The following NEK7 variants were observed in gnomAD, a reference collection of about 807,000 sequenced individuals.
NEK7 encodes NIMA related kinase 7.
Under a neutral mutation model 44.6 loss-of-function variants are expected in NEK7, and 18 were observed. The ratio of observed to expected loss-of-function variants is 0.40; its 90% CI spans 0.28 to 0.60. The LOEUF (loss-of-function observed/expected upper bound fraction) is 0.60, where lower values mean the gene tolerates loss of function less well. NEK7 is among the 20% of genes least tolerant of loss of function. The probability of loss-of-function intolerance (pLI) is 0.38; values close to 1 mark genes in which losing one functional copy is unlikely to be tolerated. For synonymous variants in NEK7, 130 were observed against 121.1 expected (o/e 1.07, Z -0.48); for missense variants, 256 against 366.5 (o/e 0.70, Z 2.46).
At chr1:198,172,309 CTT>C (rs1262829010) in intron 1 of NEK7, among the ~76,000 whole-genome samples, 1 of 152,152 alleles carries the variant, frequency 6.6e-6, no homozygotes, top group Non-Finnish European at 1.5e-5. Flanking sequence ...AAACTAGAAA[CTT>C]AACTTTCTTG....
rs191792504 is a variant in NEK7, at chr1:198,315,407, A to G, written c.799-4005A>G. Among the ~76,000 whole-genome samples, 35 of 152,246 alleles carry G rather than the reference A, an allele frequency of 2.3e-4. No individual in the cohort carries two copies. In the East Asian group the frequency reaches 6.8e-3, roughly 29 times the overall value. ...AAATCACCCGTCTTCTGCGTCGCTT[A>G]CGCTGGGAGCTGTAGACTGGAGCTG... On this transcript the variant is annotated intron_variant, in intron 9 of 9. Transcript: ENST00000367385.
intron 8 of NEK7, among the ~76,000 whole-genome samples, chr1:198,294,766 A>G (rs962734461): frequency 6.6e-6 from 1 of 152,174 alleles, no homozygotes; most frequent in African/African-American, 2.4e-5. Context: ...ATTGTGGATG[A>G]TTTTGAGTTA....
chr1:198,157,270 C>T lies in NEK7; in HGVS notation c.-35C>T, dbSNP rs1663919997. 6.6e-6 allele frequency: 1 copy of T among 152,084 alleles called. No homozygotes were observed. The allele number at this position is 152,084 out of a possible 1,614,324, so 9.4% of individuals were successfully genotyped here. On this transcript the variant is annotated 5_prime_UTR_variant, in exon 1 of 10. Coordinates refer to ENST00000367385, the MANE Select transcript of NEK7 (RefSeq NM_133494.3). The stretch of plus-strand genomic sequence containing the variant: ...GGGCGGGAGAACGGAAAACTCCCAA[C>T]TTCCTGGTGAGTCGCTGCCCAGGGT...
intron 9 of NEK7, among the ~76,000 whole-genome samples, chr1:198,312,881 G>A (rs1558107193): frequency 2.6e-5 from 4 of 152,082 alleles, no homozygotes; most frequent in African/African-American, 9.7e-5. Flanking sequence ...TTTTGGAATA[G>A]GTGTGGCGTG....
intron 1 of NEK7, 81 bp from the exon 2 acceptor site, chr1:198,232,472 G>C (rs1294954283): frequency 3.5e-5 from 23 of 657,562 alleles, no homozygotes; most frequent in Non-Finnish European, 5.9e-5. Flanking sequence ...TCTAGCATTT[G>C]AATGCATGTG....
At chr1:198,158,951 T>TG (rs1664005559) in intron 1 of NEK7, among the ~76,000 whole-genome samples, 1 of 150,824 alleles carries the variant, frequency 6.6e-6, no homozygotes, top group South Asian at 2.1e-4. Flanking sequence ...AGTAACTGTA[T>TG]GGGGTGAGAG....
intron 1 of NEK7, among the ~76,000 whole-genome samples, chr1:198,180,994 A>G (rs1189014703): frequency 6.6e-6 from 1 of 152,074 alleles, no homozygotes; most frequent in East Asian, 1.9e-4. Context: ...AAAATAGGAC[A>G]AGTTATCAAA....
chr1:198,299,505 C>G (rs200415098), intron 9 of NEK7, among the ~76,000 whole-genome samples: 3 of 114,060 alleles, frequency 2.6e-5, no homozygotes, highest in Non-Finnish European at 5.5e-5. Context: ...AATACAGGAA[C>G]TAATAAAAAG....
At chr1:198,278,883 G>C in intron 6 of NEK7, 71 bp from the exon 7 acceptor site, 1 of 764,754 alleles carries the variant, frequency 1.3e-6, no homozygotes, top group Non-Finnish European at 2.2e-6. Context: ...GTCACGAAAA[G>C]TAGTTGTTAA....
At chr1:198,287,667 G>T (rs1297486632) in intron 7 of NEK7, among the ~76,000 whole-genome samples, 2 of 151,736 alleles carry the variant, frequency 1.3e-5, no homozygotes, top group Admixed American at 6.6e-5. Flanking sequence ...GCATGTTTGT[G>T]TGTGAGTTTA....
intron 7 of NEK7, among the ~76,000 whole-genome samples, chr1:198,287,017 AC>A (rs1294878770): frequency 6.6e-6 from 1 of 152,154 alleles, no homozygotes; most frequent in Non-Finnish European, 1.5e-5. Context: ...TCTTGCCACT[AC>A]CGTAACATAA....
intron 1 of NEK7, among the ~76,000 whole-genome samples, chr1:198,157,984 T>C (rs73073186): frequency 6.6e-6 from 1 of 152,138 alleles, no homozygotes; most frequent in Non-Finnish European, 1.5e-5. Context: ...GACAAGACCG[T>C]ATGACCGCAG....
intron 1 of NEK7, among the ~76,000 whole-genome samples, chr1:198,228,210 C>G (rs1666284539): frequency 1.3e-5 from 2 of 152,124 alleles, no homozygotes; most frequent in African/African-American, 4.8e-5. Context: ...GGGCTCTGTT[C>G]TGTTCCATTG....
At chr1:198,254,762 A>C (rs1164969133) in intron 3 of NEK7, among the ~76,000 whole-genome samples, 1 of 152,158 alleles carries the variant, frequency 6.6e-6, no homozygotes, top group Non-Finnish European at 1.5e-5. Flanking sequence ...CCAAAGTTGC[A>C]CTGGTGTAAG....
Position 198,176,938 on chromosome 1 carries a change from T to A in NEK7, c.-29+19662T>A, listed in dbSNP as rs1362875797. 2.0e-5 allele frequency among the ~76,000 whole-genome samples: 3 copies of A among 152,070 alleles called. No homozygotes were observed. In the East Asian group the frequency reaches 5.8e-4, roughly 29 times the overall value. ...TATTAGGCAGAAAGATGCAATATAA[T>A]TGGAAATGAGATTCTGGAGCTACAG... On this transcript the variant is annotated intron_variant, in intron 1 of 9. Transcript: ENST00000367385.
At chr1:198,244,975 G>A (rs985448979) in intron 2 of NEK7, among the ~76,000 whole-genome samples, 1 of 152,220 alleles carries the variant, frequency 6.6e-6, no homozygotes, top group South Asian at 2.1e-4. Context: ...ACTATAAATA[G>A]CCTACTGTTG....
intron 2 of NEK7, among the ~76,000 whole-genome samples, chr1:198,243,353 T>C (rs920484377): frequency 2.0e-5 from 3 of 152,202 alleles, no homozygotes; most frequent in African/African-American, 7.2e-5. Flanking sequence ...CCTCCCCCAG[T>C]AATATTTGTG....
At chr1:198,287,753 T>A (rs1457675096) in intron 7 of NEK7, among the ~76,000 whole-genome samples, 1 of 152,164 alleles carries the variant, frequency 6.6e-6, no homozygotes, top group Non-Finnish European at 1.5e-5. Context: ...ACTAAAACTC[T>A]CTGATATTGA....
At chr1:198,232,288 G>T (rs12083274) in intron 1 of NEK7, among the ~76,000 whole-genome samples, 4,332 of 152,226 alleles carry the variant, frequency 0.028, 198 homozygotes, top group African/African-American at 0.098. Flanking sequence ...AAGGCAGAAT[G>T]CAGAAGAAGG....
Sources: allele counts gnomAD v4.1 joint callset (sites outside exome capture counted in the v4.1 genomes callset), GRCh38; gene constraint gnomAD v4.1.1; transcripts MANE v1.5; gene names NCBI Gene and HGNC (gene_info 2026-07-23, HGNC 2026-07-21).